Variants in ZBTB37 observed in about 807,000 individuals in gnomAD.
The protein encoded by ZBTB37 is zinc finger and BTB domain containing 37, also known as zinc finger and BTB domain-containing protein 37.
In ZBTB37, 15 loss-of-function variants were observed where a neutral mutation model predicts 37.7. That is an observed-to-expected ratio of 0.40 (90% CI 0.27 to 0.61). The LOEUF is 0.61. Among genes scored for constraint, ZBTB37 ranks in the 20% least tolerant of loss-of-function variants. The probability of loss-of-function intolerance (pLI) is 0.44; values close to 1 mark genes in which losing one functional copy is unlikely to be tolerated. For synonymous variants in ZBTB37, 231 were observed against 220.6 expected, an observed-to-expected ratio of 1.05 and a Z score of -0.42; for missense variants, 514 against 641.9, an observed-to-expected ratio of 0.80 and a Z score of 2.15.
At chr1:173,876,947 T>C (rs1307655407) in intron 4 of ZBTB37, among the ~76,000 whole-genome samples, 1 of 152,210 alleles carries the variant, frequency 6.6e-6, no homozygotes, top group Non-Finnish European at 1.5e-5. Context: ...CTAGTTCATA[T>C]GATATATCCC....
At chr1:173,890,951 C>G (rs1412691703), downstream of ZBTB37, 1 of 152,126 alleles carries the variant, frequency 6.6e-6, no homozygotes, top group African/African-American at 2.4e-5. Flanking sequence ...TGACATTTTG[C>G]CTTTATAATA....
chr1:173,873,309 A>G (rs775196359), intron 3 of ZBTB37, among the ~76,000 whole-genome samples, 158 bp from the exon 4 acceptor site: 2 of 152,238 alleles, frequency 1.3e-5, no homozygotes, highest in Non-Finnish European at 2.9e-5. Context: ...ATTTCAAATC[A>G]GATTATGTAT....
chr1:173,881,453 C>T (rs549520602), intron 4 of ZBTB37, among the ~76,000 whole-genome samples: 1 of 152,288 alleles, frequency 6.6e-6, no homozygotes, highest in Admixed American at 6.5e-5. Context: ...GATTTATAAT[C>T]CTTTGGGTAT....
At chr1:173,871,374 T>TA (rs1459321240) in intron 3 of ZBTB37, among the ~76,000 whole-genome samples, 1 of 152,222 alleles carries the variant, frequency 6.6e-6, no homozygotes, top group African/African-American at 2.4e-5. Flanking sequence ...GTGGTAAAGT[T>TA]AGACACTTCC....
intron 4 of ZBTB37, among the ~76,000 whole-genome samples, chr1:173,879,850 C>A (rs1208705643): frequency 6.6e-6 from 1 of 152,122 alleles, no homozygotes; most frequent in East Asian, 1.9e-4. Context: ...ACTCGGGAGG[C>A]TGCAACAGGA....
At chr1:173,895,245 A>G (rs1304859810) in exon 4 of ZBTB37, 2 of 152,380 alleles carry the variant, frequency 1.3e-5, no homozygotes, top group Non-Finnish European at 1.5e-5. Flanking sequence ...CTGGGACTCC[A>G]GACGTGTGCC....
At chr1:173,869,986 C>G (rs1164312955) in intron 2 of ZBTB37, among the ~76,000 whole-genome samples, 1 of 152,160 alleles carries the variant, frequency 6.6e-6, no homozygotes, top group East Asian at 1.9e-4. Flanking sequence ...GTCTAAAGAT[C>G]ACTTTTTAGT....
chr1:173,870,435 C>A (rs1367228016), exon 3 of ZBTB37: 2 of 1,614,230 alleles, frequency 1.2e-6, no homozygotes, highest in Non-Finnish European at 1.7e-6. Flanking sequence ...GTACAGTCTC[C>A]ATTTCAGTCA....
intron 3 of ZBTB37, among the ~76,000 whole-genome samples, chr1:173,873,182 G>C (rs1054755199): frequency 6.6e-6 from 1 of 151,924 alleles, no homozygotes; most frequent in Non-Finnish European, 1.5e-5. Context: ...ATTCTTTTAT[G>C]GTCTCCCAGT....
chr1:173,872,525 G>C (rs1251477103), intron 3 of ZBTB37, among the ~76,000 whole-genome samples: 1 of 151,930 alleles, frequency 6.6e-6, no homozygotes, highest in African/African-American at 2.4e-5. Context: ...TTTGAGTATT[G>C]TCTTCCTGTG....
chr1:173,870,722 G>C, exon 3 of ZBTB37: 1 of 1,614,116 alleles, frequency 6.2e-7, no homozygotes, highest in Non-Finnish European at 8.5e-7. Context: ...CTTAGCCCAC[G>C]ACATAATACC....
exon 4 of ZBTB37, chr1:173,892,448 T>C (rs1326701608): frequency 1.3e-5 from 2 of 152,242 alleles, no homozygotes; most frequent in Non-Finnish European, 2.9e-5. Context: ...GCAGGCTTTT[T>C]TGTTCAGGAT....
chr1:173,889,954 T>A (rs138080694), downstream of ZBTB37: 1 of 152,180 alleles, frequency 6.6e-6, no homozygotes, highest in East Asian at 1.9e-4. Flanking sequence ...AAAAACTTTT[T>A]CCCCCCGACT....
downstream of ZBTB37, chr1:173,887,952 A>G (rs1656694403): frequency 6.6e-6 from 1 of 151,910 alleles, no homozygotes; most frequent in Non-Finnish European, 1.5e-5. Context: ...CAATCTGAGA[A>G]TTGTACATGT....
chr1:173,872,877 C>T (rs1244389486), intron 3 of ZBTB37, among the ~76,000 whole-genome samples: 3 of 151,742 alleles, frequency 2.0e-5, no homozygotes, highest in African/African-American at 4.8e-5. Flanking sequence ...CGTGGTGGCA[C>T]GCACCTGTAG....
intron 4 of ZBTB37, among the ~76,000 whole-genome samples, chr1:173,879,091 CAAAAAAA>C (rs35322065): frequency 2.4e-5 from 2 of 84,800 alleles, no homozygotes; most frequent in African/African-American, 8.7e-5. Flanking sequence ...AACTCCATCT[CAAAAAAA>C]AAAAAAAAAA....
At chr1:173,888,876 G>C (rs1277262009), downstream of ZBTB37, 1 of 152,186 alleles carries the variant, frequency 6.6e-6, no homozygotes, top group African/African-American at 2.4e-5. Flanking sequence ...TCTCCTTCCA[G>C]GGTTAGCAAC....
downstream of ZBTB37, chr1:173,890,156 C>T (rs1485386373): frequency 6.6e-6 from 1 of 152,164 alleles, no homozygotes; most frequent in Non-Finnish European, 1.5e-5. Context: ...GTGACCACAC[C>T]TGGCTGTAAA....
chr1:173,870,061 A>C (rs1655439124), intron 2 of ZBTB37, 139 bp from the exon 3 acceptor site: 1 of 596,706 alleles, frequency 1.7e-6, no homozygotes. Flanking sequence ...TTCCACATCT[A>C]AATATAAGGA....
Sources: allele counts gnomAD v4.1 joint callset (sites outside exome capture counted in the v4.1 genomes callset), GRCh38; gene constraint gnomAD v4.1.1; transcripts MANE v1.5; gene names NCBI Gene and HGNC (gene_info 2026-07-23, HGNC 2026-07-21).